Variants in TAS2R1 observed in about 807,000 individuals in gnomAD.
TAS2R1 encodes taste receptor type 2 member 1.
For synonymous variants in TAS2R1, 141 were observed against 134.2 expected (o/e 1.05, Z -0.35); for missense variants, 370 against 353.4 (o/e 1.05, Z -0.38).
At chr5:9,680,640 G>T (rs957298243) in intron 1 of TAS2R1, among the ~76,000 whole-genome samples, 1 of 152,050 alleles carries the variant, frequency 6.6e-6, no homozygotes, top group Non-Finnish European at 1.5e-5. Flanking sequence ...TCCCAATAAA[G>T]GGGTATCCTA....
chr5:9,669,181 A>T (rs1291539314), intron 1 of TAS2R1, among the ~76,000 whole-genome samples: 1 of 152,188 alleles, frequency 6.6e-6, no homozygotes, highest in East Asian at 1.9e-4. Flanking sequence ...GAATGACAGA[A>T]TGGTAAAGGG....
chr5:9,723,277 G>C, the TAS2R1 span, among the ~76,000 whole-genome samples: 1 of 152,180 alleles, frequency 6.6e-6, no homozygotes, highest in African/African-American at 2.4e-5. Context: ...CTATAGCTAA[G>C]GTGCCTAGAT....
Position 9,629,120 on chromosome 5 carries a change from TC to T in TAS2R1, c.*12del, listed in dbSNP as rs958442963. On this transcript the variant is annotated 3_prime_UTR_variant, in exon 1 of 1. Coordinates refer to ENST00000382492, the MANE Select transcript of TAS2R1 (RefSeq NM_019599.3). ...TTGAATCATGGGTTCTTTGAACTGA[TC>T]CAACTTCTCTCTCACTGACAGCACT... The T allele has an allele frequency of 6.5e-7, 1 of 1,534,916 alleles. No individual in the cohort carries two copies. The highest frequency in any genetic ancestry group is 1.4e-5 in the African/African-American group (1 of 72,116).
chr5:9,705,410 C>A (rs571299556), intron 1 of TAS2R1, among the ~76,000 whole-genome samples: 1 of 152,336 alleles, frequency 6.6e-6, no homozygotes, highest in Non-Finnish European at 1.5e-5. Context: ...AGAAGTCACA[C>A]TGCTTCAGAT....
chr5:9,651,849 G>A (rs919070724), intron 2 of TAS2R1, among the ~76,000 whole-genome samples: 2 of 152,078 alleles, frequency 1.3e-5, no homozygotes, highest in African/African-American at 2.4e-5. Flanking sequence ...ATCTGAGATG[G>A]GAAAGTCATC....
chr5:9,738,688 C>A, the TAS2R1 span, among the ~76,000 whole-genome samples: 1 of 152,120 alleles, frequency 6.6e-6, no homozygotes, highest in Non-Finnish European at 1.5e-5. Context: ...AGTTACCACA[C>A]TATCTTTTGT....
chr5:9,860,451 A>G, the TAS2R1 span, among the ~76,000 whole-genome samples: 1 of 152,202 alleles, frequency 6.6e-6, no homozygotes, highest in Non-Finnish European at 1.5e-5. Context: ...CAAACTGTCT[A>G]TGGCACCAAA....
chr5:9,775,240 G>A, the TAS2R1 span, among the ~76,000 whole-genome samples: 2 of 152,160 alleles, frequency 1.3e-5, no homozygotes, highest in South Asian at 2.1e-4. Flanking sequence ...AATATTGCCT[G>A]GCTACTGCCA....
At chr5:9,642,411 T>A (rs941120946) in intron 2 of TAS2R1, among the ~76,000 whole-genome samples, 1 of 152,168 alleles carries the variant, frequency 6.6e-6, no homozygotes, top group Non-Finnish European at 1.5e-5. Flanking sequence ...AACCCAGACA[T>A]CCTTTCTGAA....
chr5:9,796,059 G>A, the TAS2R1 span, among the ~76,000 whole-genome samples: 1 of 152,154 alleles, frequency 6.6e-6, no homozygotes, highest in African/African-American at 2.4e-5. Context: ...AGATGACAGG[G>A]ACCTCAGGGT....
chr5:9,652,897 AATTGCC>A (rs1429338425), intron 2 of TAS2R1, among the ~76,000 whole-genome samples: 3 of 152,202 alleles, frequency 2.0e-5, no homozygotes, highest in Non-Finnish European at 2.9e-5. Context: ...ATATCATAAA[AATTGCC>A]ATTTTAATCA....
the TAS2R1 span, among the ~76,000 whole-genome samples, chr5:9,782,056 T>C: frequency 6.6e-6 from 1 of 152,248 alleles, no homozygotes; most frequent in Non-Finnish European, 1.5e-5. Context: ...ATTTGTGGAA[T>C]AAATGAGTCA....
chr5:9,811,330 C>T, the TAS2R1 span, among the ~76,000 whole-genome samples: 145 of 152,262 alleles, frequency 9.5e-4, no homozygotes, highest in African/African-American at 2.0e-3. Context: ...ACACAGTCTA[C>T]GACATTTTGT....
chr5:9,681,045 G>A lies in TAS2R1; in HGVS notation c.-241-21464C>T, dbSNP rs142960549. 6.9e-3 allele frequency among the ~76,000 whole-genome samples: 1,052 copies of A among 152,204 alleles called. 16 individuals carry two copies. Among genetic ancestry groups the A allele is most frequent in the African/African-American group, 0.024 (1,016 of 41,534 alleles). On this transcript the variant is annotated intron_variant, in intron 1 of 2. Transcript: ENST00000506620. ...CCACTGCACTCCAGCCTGGGTGACA[G>A]AGAGAGACTCCATCTCAATCAATCA...
At chr5:9,732,484 G>A in the TAS2R1 span, among the ~76,000 whole-genome samples, 1 of 152,106 alleles carries the variant, frequency 6.6e-6, no homozygotes, top group South Asian at 2.1e-4. Context: ...GGCTTGGATA[G>A]GGCAGAGCCA....
intron 2 of TAS2R1, among the ~76,000 whole-genome samples, chr5:9,652,764 A>G (rs561928101): frequency 1.3e-5 from 2 of 152,342 alleles, no homozygotes; most frequent in South Asian, 4.1e-4. Flanking sequence ...TTTTATAAAC[A>G]TATGTATGGT....
chr5:9,894,674 T>C, the TAS2R1 span, among the ~76,000 whole-genome samples: 1 of 152,222 alleles, frequency 6.6e-6, no homozygotes, highest in Non-Finnish European at 1.5e-5. Flanking sequence ...TACAGTAAGT[T>C]AGTTCTATCC....
chr5:9,650,112 T>C (rs1740270411), intron 2 of TAS2R1, among the ~76,000 whole-genome samples: 1 of 152,094 alleles, frequency 6.6e-6, no homozygotes, highest in Non-Finnish European at 1.5e-5. Context: ...TCCAAAAACT[T>C]TTAGAGACAA....
At chr5:9,775,017 G>A in the TAS2R1 span, among the ~76,000 whole-genome samples, 1 of 152,210 alleles carries the variant, frequency 6.6e-6, no homozygotes, top group Non-Finnish European at 1.5e-5. Flanking sequence ...TCCCTTTAGG[G>A]TGGCAAGATC....
Sources: gnomAD v4.1 joint callset for allele counts (sites outside exome capture counted in the v4.1 genomes callset) on GRCh38, gnomAD v4.1.1 for gene constraint, MANE v1.5 for transcripts, NCBI Gene and HGNC (gene_info 2026-07-23, HGNC 2026-07-21) for gene names.